CHRNB2: variants seen among roughly 807,000 people sequenced by gnomAD.
CHRNB2 encodes neuronal acetylcholine receptor subunit beta-2.
A neutral mutation model predicts 42.7 loss-of-function variants in CHRNB2; 33 were observed. The ratio of observed to expected loss-of-function variants is 0.77; its 90% CI spans 0.59 to 1.03. The LOEUF is 1.03. Ranked by LOEUF, CHRNB2 falls within the 50% of genes least tolerant of loss-of-function variation. CHRNB2 has a pLI of 0.00. For missense variants in CHRNB2, 603 were observed against 700.9 expected (o/e 0.86, Z 1.58); for synonymous variants, 325 against 292.9 (o/e 1.11, Z -1.12).
At position 154,576,320 on chromosome 1, in the gene CHRNB2, G is replaced by C. The variant is rs1696278203; in HGVS notation, c.*388G>C. 2.8e-6 allele frequency: 1 copy of C among 352,734 alleles called. No individual in the cohort carries two copies. The allele number at this position is 352,734 out of a possible 1,614,324, so 21.9% of individuals were successfully genotyped here. On this transcript the variant is annotated 3_prime_UTR_variant, in exon 6 of 6. Transcript: ENST00000368476. ...GGGAGAAGAGGGGTATAGGACAAGG[G>C]GTGGAAGGGCAGGAGCTCACACCGC...
At chr1:154,569,911 T>G in intron 3 of CHRNB2, 75 bp downstream of exon 3, 1 of 1,557,816 alleles carries the variant, frequency 6.4e-7, no homozygotes, top group South Asian at 1.1e-5. Context: ...GCTTTTTTCT[T>G]TCTTAATCTC....
At position 154,575,826 on chromosome 1, in the gene CHRNB2, TTGTCTG is replaced by T. The variant is rs749637891; in HGVS notation, c.1409_1414del (p.Cys470_Val471del). ...CGCCTCTTCCTCTGGATCTTTGTCT[TTGTCTG>T]TGTCTTTGGCACCATCGGCATGTTC... is the stretch of plus-strand genomic sequence containing the variant. On this transcript the variant is annotated inframe_deletion, in exon 6 of 6. Transcript: ENST00000368476. 4 of 1,614,142 alleles carry T rather than the reference TTGTCTG, an allele frequency of 2.5e-6. No individual in the cohort carries two copies. In the African/African-American group the frequency reaches 4.0e-5, roughly 16 times the overall value.
At chr1:154,572,900 G>T (rs879889288) in intron 5 of CHRNB2, among the ~76,000 whole-genome samples, 16 of 152,050 alleles carry the variant, frequency 1.1e-4, no homozygotes, top group Admixed American at 6.5e-4. Flanking sequence ...CCAAGAGTTG[G>T]GGGGAGATAT....
At position 154,569,550 on chromosome 1, in the gene CHRNB2, T is replaced by C. The variant is rs201747045; in HGVS notation, c.153T>C (p.Asn51=). 1 of 1,614,100 alleles carries C rather than the reference T, an allele frequency of 6.2e-7. No homozygotes were observed. Among genetic ancestry groups the C allele is most frequent in the East Asian group, 2.2e-5 (1 of 44,876 alleles). ...ACAAGCTTATCCGCCCAGCCACCAA[T>C]GGCTCTGAGCTGGTGACAGTACAGC... ...RYNKLIRPAT[N]GSELVTVQLM... The change falls in exon 2 of 6, where the codon AAT becomes AAC. Residue 51 remains asparagine, a synonymous_variant. Coordinates refer to ENST00000368476, the MANE Select transcript of CHRNB2 (RefSeq NM_000748.3).
In CHRNB2 at chr1:154,569,469, G is replaced by T; in HGVS notation, c.72G>T (p.Trp24Cys). 1 of 1,613,814 alleles carries T rather than the reference G, an allele frequency of 6.2e-7. No homozygotes were observed. Among genetic ancestry groups the T allele is most frequent in the East Asian group, 2.2e-5 (1 of 44,874 alleles). Residue 24 changes from tryptophan (W) to cysteine (C), a missense_variant, in exon 2 of 6, where the codon TGG (tryptophan) becomes TGT (cysteine). Transcript: ENST00000368476. The stretch of plus-strand genomic sequence containing the variant: ...TGCCTTTCCCCTGCCCAGGGGTGTG[G>T]GGTACGGATACAGAGGAGCGGCTGG... ...FGLLRLCSGV[W>C]GTDTEERLVE...
rs1696266161 is a variant in CHRNB2, at chr1:154,575,992, G to A, written c.*60G>A. ...CACCCTCTGCTGCACAGTAGTGTTG[G>A]GTGGAGGATGGACGAGTGAGCTACC... is the stretch of plus-strand genomic sequence containing the variant. On this transcript the variant is annotated 3_prime_UTR_variant, in exon 6 of 6. Coordinates refer to ENST00000368476, the MANE Select transcript of CHRNB2 (RefSeq NM_000748.3). The A allele has an allele frequency of 3.1e-6, 5 of 1,603,734 alleles. No homozygotes were observed. Among genetic ancestry groups the A allele is most frequent in the East Asian group, 2.2e-5 (1 of 44,836 alleles).
In CHRNB2 at chr1:154,571,478, TCTA is replaced by T; in HGVS notation, c.657_659del (p.Thr220del). 7 of 1,614,056 alleles carry T rather than the reference TCTA, an allele frequency of 4.3e-6. No homozygotes were observed. The highest frequency in any genetic ancestry group is 5.9e-6 in the Non-Finnish European group (7 of 1,180,018). On this transcript the variant is annotated inframe_deletion, in exon 5 of 6. Transcript: ENST00000368476. This position sits in a 1 kb window ranked among gnomAD's most constrained non-coding sequence, Gnocchi z 6.8. ...CCGGCGCAACGAGAACCCCGACGAC[TCTA>T]CGTACGTGGACATCACGTATGACTT... is the stretch of plus-strand genomic sequence containing the variant.
chr1:154,569,402 T>C lies in CHRNB2; in HGVS notation c.65-60T>C, dbSNP rs1696119680. ...GATTGTCCCATTTGCCTGGGGAGGG[T>C]GGGATGCTGGGTGGGCTCTCCTTGC... On this transcript the variant is annotated intron_variant, in intron 1 of 5. Coordinates refer to ENST00000368476, the MANE Select transcript of CHRNB2 (RefSeq NM_000748.3). 2.5e-6 allele frequency: 4 copies of C among 1,584,572 alleles called. No individual in the cohort carries two copies. The South Asian group carries it at 4.5e-5, about 18-fold the overall frequency.
rs1415028557 is a variant in CHRNB2 at position 154,571,712 on chromosome 1, G to A, written c.889G>A (p.Val297Ile). Reference sequence around the variant, plus strand: ...TCCCACCTCCCTCGACGTGCCGCTCGTCGGCAAGTACCTCATGTTCACCAT... The same window carrying A: ...TCCCACCTCCCTCGACGTGCCGCTCATCGGCAAGTACCTCATGTTCACCAT... ...VPPTSLDVPL[V>I]GKYLMFTMVL... Residue 297 changes from valine to isoleucine, a missense_variant, in exon 5 of 6, where the codon GTC (valine) becomes ATC (isoleucine). By Grantham distance (29) the Val-to-Ile change is conservative. Around this residue, in one of 2 missense-constraint regions of CHRNB2, gnomAD observed 333 missense variants for 452.6 expected, o/e 0.74. Transcript: ENST00000368476. The surrounding 1 kb of genome is among the most constrained non-coding windows in gnomAD (Gnocchi z 6.8). 1.2e-6 allele frequency: 2 copies of A among 1,614,228 alleles called. No homozygotes were observed. The highest frequency in any genetic ancestry group is 1.7e-6 in the Non-Finnish European group (2 of 1,180,032).
intron 4 of CHRNB2, among the ~76,000 whole-genome samples, chr1:154,570,829 C>A (rs929492517): frequency 5.3e-5 from 8 of 152,114 alleles, no homozygotes; most frequent in African/African-American, 1.9e-4. Flanking sequence ...TGGGGCTCCT[C>A]ACTCTGGCCT....
intron 5 of CHRNB2, among the ~76,000 whole-genome samples, chr1:154,574,545 TTA>T (rs1696236066): frequency 1.3e-5 from 2 of 152,018 alleles, no homozygotes; most frequent in South Asian, 4.1e-4. Flanking sequence ...GATTGTTTCT[TTA>T]ACTTTTTCCT....
At chr1:154,569,986 AC>A in intron 3 of CHRNB2, 150 bp downstream of exon 3, 1 of 873,904 alleles carries the variant, frequency 1.1e-6, no homozygotes, top group Non-Finnish European at 1.8e-6. Flanking sequence ...CTTGGCACTC[AC>A]CAGCCTTGTG....
Position 154,575,744 on chromosome 1 carries a change from TC to T in CHRNB2, c.1339-16del, listed in dbSNP as rs943465068. On this transcript the variant is annotated splice_polypyrimidine_tract_variant and intron_variant, in intron 5 of 5. Transcript: ENST00000368476. ...CCTGCATCATGTGACCTGGGCCTCC[TC>T]CGTCTCCTCCATCCAGGTGAGTGAG... 1.2e-6 allele frequency: 2 copies of T among 1,613,928 alleles called. No homozygotes were observed. The highest frequency in any genetic ancestry group is 1.3e-5 in the African/African-American group (1 of 74,896).
At position 154,576,207 on chromosome 1, in the gene CHRNB2, A is replaced by G. The variant is rs1013822758; in HGVS notation, c.*275A>G. ...GGAGGGGAGCAAGGCTGCTAAGTGGAAGACAGAGATGGCAGAGCCATCCAC... is the reference window on the plus strand; with the variant it reads ...GGAGGGGAGCAAGGCTGCTAAGTGGGAGACAGAGATGGCAGAGCCATCCAC... On this transcript the variant is annotated 3_prime_UTR_variant, in exon 6 of 6. Coordinates refer to ENST00000368476, the MANE Select transcript of CHRNB2 (RefSeq NM_000748.3). The G allele has an allele frequency of 3.2e-5, 16 of 506,002 alleles. No homozygotes were observed. The highest frequency in any genetic ancestry group is 2.7e-4 in the African/African-American group (14 of 51,670). The allele number at this position is 506,002 out of a possible 1,614,324, so 31.3% of individuals were successfully genotyped here. A position where few individuals can be genotyped will look rare whatever the true frequency, so the allele number is the denominator to read the frequency against.
At chr1:154,569,416 G>C (rs748120838) in intron 1 of CHRNB2, 46 bp from the exon 2 acceptor site, 1 of 1,610,690 alleles carries the variant, frequency 6.2e-7, no homozygotes, top group African/African-American at 1.3e-5. Flanking sequence ...ATGCTGGGTG[G>C]GCTCTCCTTG....
rs966409203 is a variant in CHRNB2 at position 154,578,610 on chromosome 1, A to C, written c.*2678A>C. ...GAAGAGGTGAGGGCAGAGGTGAAGG[A>C]TCCACTGCCCAGGCAAGGTGCTACC... is the stretch of plus-strand genomic sequence containing the variant. On this transcript the variant is annotated 3_prime_UTR_variant, in exon 6 of 6. Coordinates refer to ENST00000368476, the MANE Select transcript of CHRNB2 (RefSeq NM_000748.3). 1 of 152,300 alleles carries C rather than the reference A, an allele frequency of 6.6e-6. No homozygotes were observed. Among genetic ancestry groups the C allele is most frequent in the Admixed American group, 6.5e-5 (1 of 15,288 alleles). The allele number at this position is 152,300 out of a possible 1,614,324, so 9.4% of individuals were successfully genotyped here. A position where few individuals can be genotyped will look rare whatever the true frequency, so the allele number is the denominator to read the frequency against.
chr1:154,574,492 AAGGGACC>A (rs1271663175), intron 5 of CHRNB2, among the ~76,000 whole-genome samples: 1 of 152,146 alleles, frequency 6.6e-6, no homozygotes, highest in African/African-American at 2.4e-5. Flanking sequence ...AACGTTTTTA[AAGGGACC>A]AGGCCGGCTG....
chr1:154,571,756 C>T lies in CHRNB2; in HGVS notation c.933C>T (p.Ser311=), dbSNP rs749006431. The change falls in exon 5 of 6, where the codon TCC becomes TCT. Residue 311 remains serine, a synonymous_variant. Transcript: ENST00000368476. The surrounding 1 kb of genome is among the most constrained non-coding windows in gnomAD (Gnocchi z 6.8). ...LMFTMVLVTF[S]IVTSVCVLNV... ...TCACCATGGTGCTTGTCACCTTCTC[C>T]ATCGTCACCAGCGTGTGCGTGCTCA... 6.2e-7 allele frequency: 1 copy of T among 1,614,228 alleles called. No homozygotes were observed. The highest frequency in any genetic ancestry group is 1.1e-5 in the South Asian group (1 of 91,090).
rs1358610972 is a variant in CHRNB2 at position 154,571,942 on chromosome 1, T to C, written c.1119T>C (p.Ala373=). Residue 373 remains alanine (A), a synonymous_variant, in exon 5 of 6, where the codon GCT becomes GCC. Coordinates refer to ENST00000368476, the MANE Select transcript of CHRNB2 (RefSeq NM_000748.3). The surrounding 1 kb of genome is among the most constrained non-coding windows in gnomAD (Gnocchi z 6.8). ...GACGCCAGCGTGAGCGCGAGGGCGC[T>C]GGAGCCCTCTTCTTCCGCGAAGCCC... The part of the protein sequence containing the change: ...LRRRQREREG[A]GALFFREAPG... 2 of 1,550,046 alleles carry C rather than the reference T, an allele frequency of 1.3e-6. No homozygotes were observed. Among genetic ancestry groups the C allele is most frequent in the Non-Finnish European group, 1.7e-6 (2 of 1,152,820 alleles).
Sources: allele counts gnomAD v4.1 joint callset (sites outside exome capture counted in the v4.1 genomes callset), GRCh38; gene constraint gnomAD v4.1.1; regional missense constraint gnomAD v4.1.1; non-coding constraint Gnocchi (gnomAD v3.1); transcripts MANE v1.5; gene names NCBI Gene and HGNC (gene_info 2026-07-23, HGNC 2026-07-21).